Variants in LARGE1 observed in about 807,000 individuals in gnomAD.
LARGE1 encodes the protein xylosyl- and glucuronyltransferase LARGE1.
LARGE1 carries 43 observed loss-of-function variants against 87.6 expected under a neutral mutation model. The ratio of observed to expected loss-of-function variants is 0.49; its 90% CI spans 0.38 to 0.63. The LOEUF (loss-of-function observed/expected upper bound fraction) is 0.63. Ranked by LOEUF, LARGE1 falls within the 30% of genes least tolerant of loss-of-function variation. The pLI is 0.00. For synonymous variants in LARGE1, 434 were observed against 394.6 expected, an observed-to-expected ratio of 1.10 and a Z score of -1.18; for missense variants, 802 against 1,000.2, an observed-to-expected ratio of 0.80 and a Z score of 2.67.
intron 6 of LARGE1, among the ~76,000 whole-genome samples, chr22:33,510,159 G>C (rs759705591): frequency 6.6e-6 from 1 of 152,158 alleles, no homozygotes; most frequent in Non-Finnish European, 1.5e-5. Flanking sequence ...CACAATAATA[G>C]TAACTACATT....
At chr22:33,890,122 C>T (rs917560560) in intron 1 of LARGE1, among the ~76,000 whole-genome samples, 1 of 152,218 alleles carries the variant, frequency 6.6e-6, no homozygotes, top group Non-Finnish European at 1.5e-5. Flanking sequence ...GAACTAGCGA[C>T]CCATGTGCAC....
intron 1 of LARGE1, among the ~76,000 whole-genome samples, chr22:33,769,728 T>C (rs543859054): frequency 3.9e-5 from 6 of 152,188 alleles, no homozygotes; most frequent in Non-Finnish European, 8.8e-5. Context: ...AGCTGTCCCC[T>C]AAATCACTGC....
chr22:33,809,073 AC>A (rs1394261864), intron 1 of LARGE1, among the ~76,000 whole-genome samples: 2 of 151,800 alleles, frequency 1.3e-5, no homozygotes. Flanking sequence ...GGAGTTCAAG[AC>A]CAGCCTGGCC....
At position 33,846,391 on chromosome 22, in the gene LARGE1, T is replaced by C. The variant is rs12627898; in HGVS notation, c.-83+73604A>G. On this transcript the variant is annotated intron_variant, in intron 1 of 14. Transcript: ENST00000397394. ...TTATGCCTGTCTTTACTTTAATCTC[T>C]TAATCCTGTCAGCTGAGGAGGATGT... 7.2e-5 allele frequency among the ~76,000 whole-genome samples: 11 copies of C among 152,364 alleles called. No homozygotes were observed. In the East Asian group the frequency reaches 1.4e-3, roughly 19 times the overall value.
chr22:33,587,003 A>G (rs2078697280), intron 5 of LARGE1, among the ~76,000 whole-genome samples: 1 of 152,222 alleles, frequency 6.6e-6, no homozygotes, highest in Non-Finnish European at 1.5e-5. Flanking sequence ...AGACATCTTT[A>G]AACTTTGAAG....
rs71187269 is a variant in LARGE1, at chr22:33,544,714, C to CAACAAT, written c.787+20133_787+20134insATTGTT. Among the ~76,000 whole-genome samples the CAACAAT allele has an allele frequency of 8.6e-5, 13 of 151,898 alleles. 1 individual carries two copies. Among genetic ancestry groups the CAACAAT allele is most frequent in the Middle Eastern group, 6.8e-3 (2 of 294 alleles). ...ACAACCACAACAACAACAACAACAACGAGTACCTTTCCCAACAGCACTAGC... is the reference window on the plus strand; with the variant it reads ...ACAACCACAACAACAACAACAACAACAACAATGAGTACCTTTCCCAACAGCACTAGC... On this transcript the variant is annotated intron_variant, in intron 6 of 14. Transcript: ENST00000397394.
chr22:33,769,676 T>C (rs2085006670), intron 1 of LARGE1, among the ~76,000 whole-genome samples: 1 of 152,154 alleles, frequency 6.6e-6, no homozygotes, highest in Non-Finnish European at 1.5e-5. Context: ...TCAACCTCCT[T>C]CCTCTCACGT....
intron 6 of LARGE1, among the ~76,000 whole-genome samples, chr22:33,489,733 G>A (rs1383132246): frequency 2.0e-5 from 3 of 152,124 alleles, no homozygotes; most frequent in African/African-American, 7.2e-5. Context: ...CCAGTCTCGG[G>A]TGTGTCGTTA....
chr22:33,107,845 G>A, the LARGE1 span, among the ~76,000 whole-genome samples: 2 of 152,134 alleles, frequency 1.3e-5, no homozygotes, highest in Non-Finnish European at 2.9e-5. Context: ...CCCACAGGAA[G>A]ACCCTGTCTC....
chr22:33,654,102 T>G (rs1043923225), intron 2 of LARGE1, among the ~76,000 whole-genome samples: 5 of 152,210 alleles, frequency 3.3e-5, no homozygotes, highest in African/African-American at 1.2e-4. Flanking sequence ...TTTAACCAAA[T>G]TTAACTCTCA....
At chr22:33,662,552 C>A (rs1187646031) in intron 2 of LARGE1, among the ~76,000 whole-genome samples, 2 of 152,108 alleles carry the variant, frequency 1.3e-5, no homozygotes, top group Non-Finnish European at 2.9e-5. Flanking sequence ...CTCTGGCCTG[C>A]AGTGTTCACT....
chr22:33,625,825 C>T (rs571627869), intron 4 of LARGE1, among the ~76,000 whole-genome samples: 187 of 152,210 alleles, frequency 1.2e-3, no homozygotes, highest in African/African-American at 4.4e-3. Context: ...ATTAAAGACC[C>T]TATCTCCAAA....
At chr22:33,489,753 T>C (rs1188146252) in intron 6 of LARGE1, among the ~76,000 whole-genome samples, 2 of 152,136 alleles carry the variant, frequency 1.3e-5, no homozygotes, top group African/African-American at 4.8e-5. Context: ...ATCAGCAGCA[T>C]GAAAGCGAAC....
At chr22:33,785,062 TAG>T (rs1175663848) in intron 1 of LARGE1, among the ~76,000 whole-genome samples, 1 of 142,286 alleles carries the variant, frequency 7.0e-6, no homozygotes, top group Non-Finnish European at 1.5e-5. Flanking sequence ...CATGTGTATA[TAG>T]ATATATGTGT....
chr22:33,565,834 C>T (rs950241213), intron 5 of LARGE1, among the ~76,000 whole-genome samples: 1 of 152,192 alleles, frequency 6.6e-6, no homozygotes, highest in African/African-American at 2.4e-5. Context: ...CAGCGAGGTA[C>T]ACACACGGGT....
At chr22:33,877,033 T>C (rs1320634973) in intron 1 of LARGE1, among the ~76,000 whole-genome samples, 1 of 152,110 alleles carries the variant, frequency 6.6e-6, no homozygotes, top group African/African-American at 2.4e-5. Flanking sequence ...TATTTGCAGA[T>C]GCCCCAACAA....
chr22:33,389,849 AC>A (rs1184220297), intron 7 of LARGE1, among the ~76,000 whole-genome samples: 9 of 47,434 alleles, frequency 1.9e-4, no homozygotes, highest in Admixed American at 1.4e-3. Flanking sequence ...AGTCTCAAAA[AC>A]CAACCAACCA....
At chr22:33,785,419 C>T (rs551774036) in intron 1 of LARGE1, among the ~76,000 whole-genome samples, 2 of 152,112 alleles carry the variant, frequency 1.3e-5, no homozygotes, top group South Asian at 4.1e-4. Flanking sequence ...CAGTATCTCA[C>T]CCCAGGCCTG....
intron 1 of LARGE1, among the ~76,000 whole-genome samples, chr22:33,855,050 T>C (rs1284909085): frequency 2.0e-5 from 3 of 152,120 alleles, no homozygotes; most frequent in African/African-American, 7.2e-5. Context: ...AAAGTGGGCC[T>C]TAGGCTGGGC....
Sources: allele counts gnomAD v4.1 joint callset (sites outside exome capture counted in the v4.1 genomes callset), GRCh38; gene constraint gnomAD v4.1.1; transcripts MANE v1.5; gene names NCBI Gene and HGNC (gene_info 2026-07-23, HGNC 2026-07-21).